The following GLIS3 variants were observed in gnomAD, a reference collection of about 807,000 sequenced individuals.
GLIS3 encodes the protein GLIS family zinc finger 3, also known as zinc finger protein GLIS3.
In GLIS3, 53 loss-of-function variants were observed where a neutral mutation model predicts 78.6. The observed-to-expected ratio is 0.67, with a 90% CI of 0.54 to 0.85. The LOEUF (loss-of-function observed/expected upper bound fraction) is 0.85, where lower values mean the gene tolerates loss of function less well. Ranked by LOEUF, GLIS3 falls within the 40% of genes least tolerant of loss-of-function variation. The pLI, the probability that GLIS3 is intolerant of heterozygous loss-of-function variation, is 0.00. For synonymous variants in GLIS3, 684 were observed against 509.9 expected (o/e 1.34, Z -4.60); for missense variants, 1,703 against 1,231.1 (o/e 1.38, Z -5.74).
rs181715123 is a variant in GLIS3, at chr9:3,968,798, A to G, written c.1711-31609T>C. Among the ~76,000 whole-genome samples the G allele has an allele frequency of 1.1e-4, 16 of 152,318 alleles. No individual in the cohort carries two copies. The East Asian group carries it at 1.9e-3, about 18-fold the overall frequency. On this transcript the variant is annotated intron_variant, in intron 4 of 10. Coordinates refer to ENST00000381971, the MANE Select transcript of GLIS3 (RefSeq NM_001042413.2). Reference sequence around the variant, plus strand: ...CATTATTACTCCTAAAAGAAATTCAATCTTTAATTCTGGAAAAGAAAGTCT... The same window carrying G: ...CATTATTACTCCTAAAAGAAATTCAGTCTTTAATTCTGGAAAAGAAAGTCT...
At chr9:4,262,816 T>C (rs919453236) in intron 2 of GLIS3, among the ~76,000 whole-genome samples, 1 of 152,000 alleles carries the variant, frequency 6.6e-6, no homozygotes, top group Non-Finnish European at 1.5e-5. Flanking sequence ...AGCCCAGCTT[T>C]TCACAGATAT....
Position 4,228,239 on chromosome 9 carries a change from T to G in GLIS3, c.388+57799A>C, listed in dbSNP as rs543502199. On this transcript the variant is annotated intron_variant, in intron 2 of 10. Coordinates refer to ENST00000381971, the MANE Select transcript of GLIS3 (RefSeq NM_001042413.2). ...AAAAAGAAGAAGATGGGAACCGCTCTCATGAATGATGATGAATTTAGTTTT... is the reference window on the plus strand; with the variant it reads ...AAAAAGAAGAAGATGGGAACCGCTCGCATGAATGATGATGAATTTAGTTTT... Among the ~76,000 whole-genome samples the G allele has an allele frequency of 4.4e-4, 65 of 147,634 alleles. No individual in the cohort carries two copies. The Middle Eastern group carries it at 0.011, about 24-fold the overall frequency.
the GLIS3 span, among the ~76,000 whole-genome samples, chr9:4,448,161 T>C: frequency 3.9e-5 from 6 of 152,234 alleles, no homozygotes; most frequent in African/African-American, 1.4e-4. Context: ...CCAACTAAGA[T>C]TGATTGTCTT....
At chr9:3,862,118 A>G (rs568898952) in intron 8 of GLIS3, among the ~76,000 whole-genome samples, 10 of 152,280 alleles carry the variant, frequency 6.6e-5, no homozygotes, top group African/African-American at 2.4e-4. Context: ...TTAGTTGGAA[A>G]GGGCACTGGA....
chr9:3,982,221 T>C (rs1795277127), intron 4 of GLIS3, among the ~76,000 whole-genome samples: 1 of 152,126 alleles, frequency 6.6e-6, no homozygotes, highest in Non-Finnish European at 1.5e-5. Flanking sequence ...CTGTTTTTTT[T>C]TTTCCTACAT....
At position 3,915,796 on chromosome 9, in the gene GLIS3, T is replaced by C. The variant is rs56661208; in HGVS notation, c.1983+16564A>G. On this transcript the variant is annotated intron_variant, in intron 6 of 10. Coordinates refer to ENST00000381971, the MANE Select transcript of GLIS3 (RefSeq NM_001042413.2). ...TACCTCAGATCTCTGCAAAGAGTCA[T>C]GTATGCTGGTAATTTTTAGTTCACT... Among the ~76,000 whole-genome samples, 1,501 of 152,296 alleles carry C rather than the reference T, an allele frequency of 9.9e-3. 9 individuals are homozygous for C. Among genetic ancestry groups the C allele is most frequent in the African/African-American group, 0.03 (1,228 of 41,556 alleles).
chr9:4,310,307 AT>A (rs1474379839), intron 3 of GLIS3: 2 of 152,190 alleles, frequency 1.3e-5, no homozygotes, highest in Admixed American at 1.3e-4. Context: ...ATTATTAGGT[AT>A]AATCCCTCTT....
intron 2 of GLIS3, among the ~76,000 whole-genome samples, chr9:4,338,737 G>C (rs1817791704): frequency 6.6e-6 from 1 of 152,288 alleles, no homozygotes; most frequent in East Asian, 1.9e-4. Context: ...GGGAGAAGGA[G>C]CTGCAAGTAG....
At chr9:4,163,325 C>T (rs1835650613) in intron 2 of GLIS3, among the ~76,000 whole-genome samples, 1 of 152,258 alleles carries the variant, frequency 6.6e-6, no homozygotes, top group Non-Finnish European at 1.5e-5. Flanking sequence ...TTACCTATGT[C>T]TGAAATTCAT....
Position 4,015,214 on chromosome 9 carries a change from T to C in GLIS3, c.1711-78025A>G, listed in dbSNP as rs1014367607. On this transcript the variant is annotated intron_variant, in intron 4 of 10. Transcript: ENST00000381971. ...TGACCATGGCATGGAAGGCCGTGTG[T>C]GCAGGGATGTGAGGAAGGGGGTGTT... 5.9e-5 allele frequency among the ~76,000 whole-genome samples: 9 copies of C among 152,298 alleles called. No homozygotes were observed. The East Asian group carries it at 1.7e-3, about 29-fold the overall frequency.
At chr9:4,216,370 G>T (rs1820839119) in intron 2 of GLIS3, among the ~76,000 whole-genome samples, 1 of 151,910 alleles carries the variant, frequency 6.6e-6, no homozygotes, top group Non-Finnish European at 1.5e-5. Context: ...CTACTCAAGA[G>T]GTTGAGGCAG....
chr9:4,453,228 G>C, the GLIS3 span, among the ~76,000 whole-genome samples: 1 of 150,562 alleles, frequency 6.6e-6, no homozygotes. Flanking sequence ...AACCTAGGCA[G>C]TACCATTCAG....
the GLIS3 span, among the ~76,000 whole-genome samples, chr9:4,365,492 G>A: frequency 6.6e-6 from 1 of 151,884 alleles, no homozygotes; most frequent in South Asian, 2.1e-4. Flanking sequence ...GGAGGTGGAG[G>A]TTGCAGTCAG....
chr9:4,126,535 C>G (rs960249992), intron 2 of GLIS3, among the ~76,000 whole-genome samples: 4 of 152,068 alleles, frequency 2.6e-5, no homozygotes, highest in Non-Finnish European at 5.9e-5. Flanking sequence ...ATTTGAAAAA[C>G]AGCATGGTAA....
Position 4,305,089 on chromosome 9 carries a change from C to A in GLIS3, n.584+3688G>T, listed in dbSNP as rs952142338. On this transcript the variant is annotated intron_variant and non_coding_transcript_variant, in intron 4 of 4. Coordinates refer to the GLIS3 transcript ENST00000471664. ...AATCAGGTAAGATCTAGCACAACTT[C>A]CATTTTACAGATGAGAAAAGAGAGG... 2.6e-5 allele frequency: 4 copies of A among 152,156 alleles called. No homozygotes were observed. In the East Asian group the frequency reaches 7.7e-4, roughly 29 times the overall value. 9.4% of individuals were successfully genotyped at this position (152,156 alleles called of 1,614,324 possible).
At chr9:4,454,712 G>C in the GLIS3 span, among the ~76,000 whole-genome samples, 4 of 152,076 alleles carry the variant, frequency 2.6e-5, no homozygotes, top group African/African-American at 9.7e-5. Flanking sequence ...CCCTCTTCTG[G>C]TCTATGGGTT....
chr9:4,067,471 C>T, intron 4 of GLIS3, among the ~76,000 whole-genome samples: 1 of 151,996 alleles, frequency 6.6e-6, no homozygotes, highest in Non-Finnish European at 1.5e-5. Flanking sequence ...GAGCACAGAA[C>T]ACAGAAAAAG....
intron 2 of GLIS3, among the ~76,000 whole-genome samples, chr9:4,243,349 C>G (rs1324805904): frequency 2.0e-5 from 3 of 152,036 alleles, no homozygotes; most frequent in Non-Finnish European, 2.9e-5. Context: ...GTCAGGTGAT[C>G]CCAGTAGACA....
intron 2 of GLIS3, among the ~76,000 whole-genome samples, chr9:4,202,912 A>G (rs1563748968): frequency 6.6e-6 from 1 of 152,242 alleles, no homozygotes; most frequent in Admixed American, 6.5e-5. Flanking sequence ...GCCATGGGAA[A>G]GAATTTATGA....
Sources: allele counts gnomAD v4.1 joint callset (sites outside exome capture counted in the v4.1 genomes callset), GRCh38; gene constraint gnomAD v4.1.1; transcripts MANE v1.5; gene names NCBI Gene and HGNC (gene_info 2026-07-23, HGNC 2026-07-21).